Variants in CLSTN2 observed in about 807,000 individuals in gnomAD.
CLSTN2 encodes calsyntenin-2.
CLSTN2 carries 48 observed loss-of-function variants against 101.2 expected under a neutral mutation model. That is an observed-to-expected ratio of 0.47 (90% CI 0.38 to 0.60). CLSTN2 has a LOEUF of 0.60. Ranked by LOEUF, CLSTN2 falls within the 20% of genes least tolerant of loss-of-function variation. The probability of loss-of-function intolerance (pLI) is 0.00; values close to 1 mark genes in which losing one functional copy is unlikely to be tolerated. For synonymous variants in CLSTN2, 481 were observed against 463.6 expected (o/e 1.04, Z -0.48); for missense variants, 1,160 against 1,238.2 (o/e 0.94, Z 0.95).
rs554178437 is a variant in CLSTN2, at chr3:140,572,045, C to T, written c.*5792C>T. The T allele has an allele frequency of 1.3e-5, 2 of 152,468 alleles. No homozygotes were observed. Among genetic ancestry groups the T allele is most frequent in the African/African-American group, 4.8e-5 (2 of 41,570 alleles). The allele number at this position is 152,468 out of a possible 1,614,324, so 9.4% of individuals were successfully genotyped here. A position where few individuals can be genotyped will look rare whatever the true frequency, so the allele number is the denominator to read the frequency against. Reference sequence around the variant, plus strand: ...AGGGAGGATGAACAAGGCATGTTTCCCTGACCATGAGGAGCTCTTGGCCTG... The same window carrying T: ...AGGGAGGATGAACAAGGCATGTTTCTCTGACCATGAGGAGCTCTTGGCCTG... On this transcript the variant is annotated 3_prime_UTR_variant, in exon 17 of 17. Coordinates refer to ENST00000458420, the MANE Select transcript of CLSTN2 (RefSeq NM_022131.3).
At chr3:140,355,363 A>G (rs747189043) in intron 2 of CLSTN2, among the ~76,000 whole-genome samples, 1 of 152,194 alleles carries the variant, frequency 6.6e-6, no homozygotes, top group Non-Finnish European at 1.5e-5. Context: ...TTATCTGTTA[A>G]ATGGGAATAT....
chr3:140,232,190 C>T (rs2086376978), intron 2 of CLSTN2, among the ~76,000 whole-genome samples: 6 of 152,126 alleles, frequency 3.9e-5, no homozygotes, highest in Admixed American at 3.9e-4. Flanking sequence ...ATGGTTCAGT[C>T]CCACCTTCAA....
At chr3:140,305,413 TG>T (rs750669141) in intron 2 of CLSTN2, among the ~76,000 whole-genome samples, 22 of 152,150 alleles carry the variant, frequency 1.4e-4, no homozygotes, top group Non-Finnish European at 2.4e-4. Flanking sequence ...TATAGTGTGG[TG>T]GGGGTAAAGG....
intron 5 of CLSTN2, among the ~76,000 whole-genome samples, chr3:140,439,743 G>GCA (rs757195934): frequency 1.1e-5 from 1 of 89,836 alleles, no homozygotes; most frequent in South Asian, 4.6e-4. Flanking sequence ...ACGTGCACGT[G>GCA]CACACACACG....
chr3:140,257,746 A>G (rs890114014), intron 2 of CLSTN2, among the ~76,000 whole-genome samples: 3 of 152,188 alleles, frequency 2.0e-5, no homozygotes, highest in African/African-American at 7.2e-5. Context: ...TTAATTAACA[A>G]TTCTGCTGGG....
chr3:140,176,375 G>A (rs2107829067), intron 2 of CLSTN2, among the ~76,000 whole-genome samples: 1 of 152,284 alleles, frequency 6.6e-6, no homozygotes, highest in Middle Eastern at 3.4e-3. Context: ...GGCTAGTAAG[G>A]TTCTTAGGGG....
intron 1 of CLSTN2, among the ~76,000 whole-genome samples, chr3:139,937,884 A>T (rs1226535674): frequency 1.3e-5 from 2 of 152,056 alleles, no homozygotes; most frequent in African/African-American, 4.8e-5. Context: ...GGGGGCTGCA[A>T]AGAGCTCTGT....
At chr3:140,534,663 A>G (rs1935326445) in intron 9 of CLSTN2, among the ~76,000 whole-genome samples, 1 of 152,248 alleles carries the variant, frequency 6.6e-6, no homozygotes, top group African/African-American at 2.4e-5. Context: ...CAAATCGTGC[A>G]CAAACTCTTA....
chr3:140,076,625 G>GT (rs35645750), intron 1 of CLSTN2, among the ~76,000 whole-genome samples: 619 of 38,054 alleles, frequency 0.016, 100 homozygotes, highest in African/African-American at 0.065. Flanking sequence ...CACCAGCAGT[G>GT]TTTTTTTTTT....
chr3:140,566,242 C>A lies in CLSTN2; in HGVS notation c.2857C>A (p.Leu953Ile). ...QAQLEWDDST[L>I]PY ...CCAGCTGGAGTGGGATGACTCCACC[C>A]TCCCCTACTAGTGCCCAGGGGTCTG... The change falls in exon 17 of 17, where the codon CTC (leucine) becomes ATC (isoleucine). Residue 953 changes from leucine (L) to isoleucine (I), a missense_variant. Transcript: ENST00000458420. 2 of 1,567,818 alleles carry A rather than the reference C, an allele frequency of 1.3e-6. No individual in the cohort carries two copies. Among genetic ancestry groups the A allele is most frequent in the East Asian group, 4.7e-5 (2 of 42,626 alleles).
intron 2 of CLSTN2, among the ~76,000 whole-genome samples, chr3:140,402,005 G>A (rs558668315): frequency 6.6e-6 from 1 of 152,228 alleles, no homozygotes; most frequent in African/African-American, 2.4e-5. Flanking sequence ...AGTACATTGA[G>A]AAATGGCTAG....
At chr3:140,081,415 A>G (rs1372153572) in intron 1 of CLSTN2, among the ~76,000 whole-genome samples, 2 of 152,232 alleles carry the variant, frequency 1.3e-5, no homozygotes, top group Admixed American at 1.3e-4. Context: ...GTGAAAAGTT[A>G]AACACTTGAA....
intron 1 of CLSTN2, among the ~76,000 whole-genome samples, chr3:140,060,498 C>T (rs774064435): frequency 6.6e-6 from 1 of 151,962 alleles, no homozygotes; most frequent in South Asian, 2.1e-4. Context: ...GTGTAGATTC[C>T]AGGAAATCCC....
chr3:140,211,093 T>A (rs1211118431), intron 2 of CLSTN2, among the ~76,000 whole-genome samples: 3 of 151,956 alleles, frequency 2.0e-5, no homozygotes, highest in Admixed American at 6.6e-5. Flanking sequence ...AGAGCCTAGC[T>A]CTTTGGAGGG....
intron 5 of CLSTN2, among the ~76,000 whole-genome samples, chr3:140,423,767 A>C (rs1224797675): frequency 6.6e-6 from 1 of 152,184 alleles, no homozygotes; most frequent in African/African-American, 2.4e-5. Context: ...ATTTGGAAAG[A>C]AGACTAGCTC....
intron 1 of CLSTN2, among the ~76,000 whole-genome samples, chr3:140,056,794 A>C (rs2008105273): frequency 6.6e-6 from 1 of 152,224 alleles, no homozygotes; most frequent in Non-Finnish European, 1.5e-5. Context: ...AAAAAAAATG[A>C]ACTATTTTGT....
At chr3:140,160,908 C>A (rs1201919112) in intron 1 of CLSTN2, among the ~76,000 whole-genome samples, 1 of 152,130 alleles carries the variant, frequency 6.6e-6, no homozygotes. Flanking sequence ...TACTAAGATA[C>A]TATTTGCTTT....
At chr3:139,960,534 T>C (rs545344973) in intron 1 of CLSTN2, among the ~76,000 whole-genome samples, 1 of 152,360 alleles carries the variant, frequency 6.6e-6, no homozygotes, top group South Asian at 2.1e-4. Flanking sequence ...TTATCTCTCC[T>C]CCAAGGCCTA....
intron 2 of CLSTN2, among the ~76,000 whole-genome samples, chr3:140,265,059 TG>T (rs2086683650): frequency 6.6e-6 from 1 of 152,174 alleles, no homozygotes; most frequent in South Asian, 2.1e-4. Context: ...CCATTTAATC[TG>T]CAAAATGACC....
Sources: gnomAD v4.1 joint callset for allele counts (sites outside exome capture counted in the v4.1 genomes callset) on GRCh38, gnomAD v4.1.1 for gene constraint, MANE v1.5 for transcripts, NCBI Gene and HGNC (gene_info 2026-07-23, HGNC 2026-07-21) for gene names.